DLG2: variants seen among roughly 807,000 people sequenced by gnomAD.
DLG2 encodes the protein discs large MAGUK scaffold protein 2.
A neutral mutation model predicts 132.5 loss-of-function variants in DLG2; 45 were observed. The ratio of observed to expected loss-of-function variants is 0.34; its 90% CI spans 0.27 to 0.44. The LOEUF is 0.44. DLG2 is among the 20% of genes least tolerant of loss of function. The pLI is 1.00. For missense variants in DLG2, 1,045 were observed against 1,196.9 expected, an observed-to-expected ratio of 0.87 and a Z score of 1.87; for synonymous variants, 424 against 419.6, an observed-to-expected ratio of 1.01 and a Z score of -0.13.
intron 4 of DLG2, among the ~76,000 whole-genome samples, chr11:85,219,652 G>C (rs550400364): frequency 3.5e-4 from 53 of 150,400 alleles, no homozygotes; most frequent in African/African-American, 1.1e-3. Context: ...CATTCTCCCT[G>C]TGTATCTATA....
intron 6 of DLG2, among the ~76,000 whole-genome samples, chr11:84,985,762 T>C (rs1394595648): frequency 6.6e-6 from 1 of 151,714 alleles, no homozygotes; most frequent in Admixed American, 6.6e-5. Flanking sequence ...GGAGGCCAAG[T>C]TGGGCGGATC....
chr11:85,234,662 T>C (rs779315823), intron 4 of DLG2, among the ~76,000 whole-genome samples: 19 of 152,002 alleles, frequency 1.2e-4, no homozygotes, highest in Non-Finnish European at 2.5e-4. Context: ...ATGTACTAAG[T>C]GATGATCTCA....
chr11:84,604,152 C>T (rs2099581426), intron 6 of DLG2, among the ~76,000 whole-genome samples: 1 of 151,894 alleles, frequency 6.6e-6, no homozygotes, highest in Non-Finnish European at 1.5e-5. Context: ...GATTGCATAA[C>T]TAATTTAACA....
intron 16 of DLG2, among the ~76,000 whole-genome samples, chr11:83,872,082 G>T (rs1409488436): frequency 6.6e-6 from 1 of 152,120 alleles, no homozygotes; most frequent in African/African-American, 2.4e-5. Flanking sequence ...TGGCAAATAT[G>T]GTGAAACCCC....
At chr11:85,182,047 T>C (rs2079739335) in intron 4 of DLG2, among the ~76,000 whole-genome samples, 1 of 151,964 alleles carries the variant, frequency 6.6e-6, no homozygotes, top group Non-Finnish European at 1.5e-5. Flanking sequence ...GAGAAATAAA[T>C]AGTTTTTATT....
At chr11:83,887,207 C>A (rs1410989322) in intron 15 of DLG2, among the ~76,000 whole-genome samples, 1 of 151,774 alleles carries the variant, frequency 6.6e-6, no homozygotes, top group Non-Finnish European at 1.5e-5. Flanking sequence ...ACTAGCAAGA[C>A]TAATAAAGAA....
At chr11:83,479,651 G>T (rs1046147640) in intron 22 of DLG2, among the ~76,000 whole-genome samples, 2 of 152,072 alleles carry the variant, frequency 1.3e-5, no homozygotes, top group Non-Finnish European at 2.9e-5. Flanking sequence ...GTGTTTGGTG[G>T]ATAGTTTCAT....
At chr11:84,500,811 A>G (rs1020459042) in intron 7 of DLG2, among the ~76,000 whole-genome samples, 3 of 152,184 alleles carry the variant, frequency 2.0e-5, no homozygotes, top group Non-Finnish European at 2.9e-5. Context: ...ATAAATATTG[A>G]GATCATGTCT....
intron 7 of DLG2, among the ~76,000 whole-genome samples, chr11:84,295,488 C>T (rs996567959): frequency 6.6e-6 from 1 of 152,096 alleles, no homozygotes; most frequent in Non-Finnish European, 1.5e-5. Context: ...TCTGGGGGTG[C>T]CTTGATGAAG....
chr11:85,267,926 GC>G (rs1331857546), intron 4 of DLG2, among the ~76,000 whole-genome samples: 1 of 151,796 alleles, frequency 6.6e-6, no homozygotes, highest in Admixed American at 6.6e-5. Flanking sequence ...GTGTGTTCCT[GC>G]TTTCCTTTGC....
chr11:84,438,181 G>C (rs892327859), intron 7 of DLG2, among the ~76,000 whole-genome samples: 4 of 152,102 alleles, frequency 2.6e-5, no homozygotes, highest in Non-Finnish European at 2.9e-5. Flanking sequence ...AGCTCCATTT[G>C]GTCCAAGGAA....
At chr11:83,467,661 A>G (rs2091279218) in intron 25 of DLG2, among the ~76,000 whole-genome samples, 1 of 151,248 alleles carries the variant, frequency 6.6e-6, no homozygotes. Context: ...GAGGCAGGAG[A>G]ATCACTTGAA....
chr11:85,018,714 G>T (rs566008623), intron 6 of DLG2, among the ~76,000 whole-genome samples: 20 of 151,528 alleles, frequency 1.3e-4, no homozygotes, highest in Non-Finnish European at 2.6e-4. Flanking sequence ...AATATGTAAA[G>T]ATTGTAATCA....
intron 7 of DLG2, among the ~76,000 whole-genome samples, chr11:84,429,604 T>C (rs894424335): frequency 1.3e-5 from 2 of 152,158 alleles, no homozygotes; most frequent in African/African-American, 2.4e-5. Context: ...TTTGAGGAAA[T>C]AAGACTACCT....
chr11:84,993,254 G>A (rs2154126349), intron 6 of DLG2, among the ~76,000 whole-genome samples: 1 of 152,284 alleles, frequency 6.6e-6, no homozygotes, highest in Middle Eastern at 3.4e-3. Context: ...ACACACTGGG[G>A]CCTGTCGGAG....
intron 18 of DLG2, 54 bp downstream of exon 18, chr11:83,786,636 T>A: frequency 6.8e-7 from 1 of 1,460,388 alleles, no homozygotes; most frequent in Non-Finnish European, 9.6e-7. Context: ...GTAATGAGGG[T>A]ACAGATCCAC....
intron 3 of DLG2, among the ~76,000 whole-genome samples, chr11:85,380,083 C>T (rs79953698): frequency 0.034 from 5,117 of 152,232 alleles, 117 homozygotes; most frequent in Middle Eastern, 0.068. Flanking sequence ...CACATAAGAA[C>T]TCCTCACCTA....
chr11:84,694,569 C>T (rs1206425155), intron 6 of DLG2, among the ~76,000 whole-genome samples: 1 of 151,406 alleles, frequency 6.6e-6, no homozygotes, highest in African/African-American at 2.4e-5. Context: ...TATTCCTTCT[C>T]TCTGTCGACC....
At chr11:84,598,713 C>T (rs2099569144) in intron 6 of DLG2, among the ~76,000 whole-genome samples, 1 of 149,354 alleles carries the variant, frequency 6.7e-6, no homozygotes, top group South Asian at 2.1e-4. Context: ...ATTGCTTGAG[C>T]CCAGTAAGTT....
Sources: gnomAD v4.1 joint callset for allele counts (sites outside exome capture counted in the v4.1 genomes callset) on GRCh38, gnomAD v4.1.1 for gene constraint, MANE v1.5 for transcripts, NCBI Gene and HGNC (gene_info 2026-07-23, HGNC 2026-07-21) for gene names.